LUZP2: variants seen among roughly 807,000 people sequenced by gnomAD.
LUZP2 encodes leucine zipper protein 2.
A neutral mutation model predicts 51.6 loss-of-function variants in LUZP2; 52 were observed. The ratio of observed to expected loss-of-function variants is 1.01; its 90% CI spans 0.81 to 1.27. LUZP2 has a LOEUF of 1.27. LUZP2 is among the 50% of genes most tolerant of loss of function. LUZP2 has a pLI of 0.00. For missense variants in LUZP2, 436 were observed against 395.4 expected (o/e 1.10, Z -0.87); for synonymous variants, 154 against 137.3 (o/e 1.12, Z -0.85).
intron 7 of LUZP2, among the ~76,000 whole-genome samples, chr11:24,937,653 G>C (rs35920310): frequency 6.6e-6 from 1 of 152,150 alleles, no homozygotes. Flanking sequence ...TGTAATCCCA[G>C]CACTTTGGGA....
chr11:24,733,690 C>G (rs1843703), intron 3 of LUZP2, among the ~76,000 whole-genome samples: 118,987 of 151,384 alleles, frequency 0.79, 47,139 homozygotes, highest in Admixed American at 0.87. Flanking sequence ...AGAGGAATAA[C>G]TTAGATGAAA....
rs376682246 is a variant in LUZP2 at position 24,683,673 on chromosome 11, G to A, written c.63-45496G>A. 8.5e-5 allele frequency among the ~76,000 whole-genome samples: 13 copies of A among 152,226 alleles called. No homozygotes were observed. In the South Asian group the frequency reaches 2.7e-3, roughly 32 times the overall value. On this transcript the variant is annotated intron_variant, in intron 1 of 11. Coordinates refer to ENST00000336930, the MANE Select transcript of LUZP2 (RefSeq NM_001009909.4). ...ATTAGAGACATTTGCCTTTAACTAA[G>A]GAGATTTGGTTTATTTGACCTCATG...
At chr11:24,601,906 ATATATGTATATATGTATATATATG>A in intron 1 of LUZP2, among the ~76,000 whole-genome samples, 1 of 114,672 alleles carries the variant, frequency 8.7e-6, no homozygotes, top group African/African-American at 3.4e-5. Context: ...GTATATATGT[ATATATGTATATATGTATATATATG>A]TATATATGTA....
intron 1 of LUZP2, among the ~76,000 whole-genome samples, chr11:24,722,829 A>G (rs1456285871): frequency 2.6e-5 from 4 of 151,896 alleles, no homozygotes; most frequent in Admixed American, 6.6e-5. Flanking sequence ...AGGCAGGAGA[A>G]TTGCTTGACC....
chr11:24,745,454 T>G (rs1298424632), intron 4 of LUZP2, among the ~76,000 whole-genome samples: 1 of 152,186 alleles, frequency 6.6e-6, no homozygotes, highest in African/African-American at 2.4e-5. Flanking sequence ...TTTACCATTA[T>G]ATAATGTCCC....
chr11:24,708,251 AT>A (rs1381475636), intron 1 of LUZP2, among the ~76,000 whole-genome samples: 1 of 152,188 alleles, frequency 6.6e-6, no homozygotes, highest in African/African-American at 2.4e-5. Context: ...CAGCCTACTG[AT>A]TCAAATACTA....
chr11:24,942,095 G>A (rs1167324290), intron 7 of LUZP2, among the ~76,000 whole-genome samples: 1 of 152,074 alleles, frequency 6.6e-6, no homozygotes, highest in Non-Finnish European at 1.5e-5. Context: ...ATACAGCACA[G>A]TTTGTTTCCC....
chr11:24,858,733 G>C (rs891455742), intron 5 of LUZP2, among the ~76,000 whole-genome samples: 1 of 152,216 alleles, frequency 6.6e-6, no homozygotes, highest in Non-Finnish European at 1.5e-5. Flanking sequence ...ACAAGGTGTA[G>C]TTTCAGTGGT....
At chr11:24,700,045 A>G (rs1244634607) in intron 1 of LUZP2, among the ~76,000 whole-genome samples, 1 of 129,354 alleles carries the variant, frequency 7.7e-6, no homozygotes, top group Non-Finnish European at 1.6e-5. Flanking sequence ...CTCTATGCCT[A>G]TTTTCCTCAA....
At chr11:24,713,394 T>A (rs190476372) in intron 1 of LUZP2, among the ~76,000 whole-genome samples, 145 of 152,266 alleles carry the variant, frequency 9.5e-4, no homozygotes, top group African/African-American at 3.3e-3. Context: ...TAGGAATCTA[T>A]ACCTTGGAAT....
At chr11:24,543,406 T>C (rs866586783) in intron 1 of LUZP2, among the ~76,000 whole-genome samples, 1 of 152,070 alleles carries the variant, frequency 6.6e-6, no homozygotes, top group Non-Finnish European at 1.5e-5. Flanking sequence ...TATGTGACCA[T>C]GTCTCTGAAA....
At chr11:24,580,370 G>C (rs1852804929) in intron 1 of LUZP2, among the ~76,000 whole-genome samples, 1 of 152,044 alleles carries the variant, frequency 6.6e-6, no homozygotes, top group Non-Finnish European at 1.5e-5. Flanking sequence ...CTACAATACT[G>C]AAAAGGTTCC....
intron 1 of LUZP2, among the ~76,000 whole-genome samples, chr11:24,678,874 GA>G (rs1856647366): frequency 6.6e-6 from 1 of 152,192 alleles, no homozygotes; most frequent in Non-Finnish European, 1.5e-5. Flanking sequence ...ATTCTTCCTT[GA>G]AAGGTTATTT....
intron 5 of LUZP2, among the ~76,000 whole-genome samples, chr11:24,861,483 G>A (rs954016376): frequency 6.6e-5 from 10 of 152,128 alleles, no homozygotes; most frequent in Non-Finnish European, 1.0e-4. Flanking sequence ...AGGTCAACAT[G>A]CCAATTCAGA....
At chr11:24,759,999 G>A (rs575827203) in intron 4 of LUZP2, among the ~76,000 whole-genome samples, 3 of 152,284 alleles carry the variant, frequency 2.0e-5, no homozygotes, top group Admixed American at 1.3e-4. Flanking sequence ...CATGTAAGAT[G>A]TACATTGGTT....
chr11:24,751,683 A>C, intron 4 of LUZP2: 1 of 391,566 alleles, frequency 2.6e-6, no homozygotes, highest in Non-Finnish European at 3.5e-6. Context: ...TCCTGTACCC[A>C]TTGCCACACA....
chr11:24,955,830 G>A (rs1855196078), intron 7 of LUZP2, among the ~76,000 whole-genome samples: 1 of 152,002 alleles, frequency 6.6e-6, no homozygotes. Context: ...CTGAAGATAG[G>A]GGAGTTTGTG....
At chr11:24,719,978 G>A (rs775208446) in intron 1 of LUZP2, among the ~76,000 whole-genome samples, 7 of 152,152 alleles carry the variant, frequency 4.6e-5, no homozygotes, top group East Asian at 1.9e-4. Context: ...GCCCAACCAA[G>A]TGAATGGCCC....
intron 5 of LUZP2, among the ~76,000 whole-genome samples, chr11:24,782,254 C>G (rs1421022982): frequency 6.6e-6 from 1 of 151,964 alleles, no homozygotes; most frequent in Non-Finnish European, 1.5e-5. Context: ...CAAGAGTAAC[C>G]TTTGTAGCAT....
Sources: allele counts gnomAD v4.1 joint callset (sites outside exome capture counted in the v4.1 genomes callset), GRCh38; gene constraint gnomAD v4.1.1; transcripts MANE v1.5; gene names NCBI Gene and HGNC (gene_info 2026-07-23, HGNC 2026-07-21).